DLGAP1: variants seen among roughly 807,000 people sequenced by gnomAD.
The protein encoded by DLGAP1 is disks large-associated protein 1.
In DLGAP1, 11 loss-of-function variants were observed where a neutral mutation model predicts 90.8. That is an observed-to-expected ratio of 0.12 (90% CI 0.08 to 0.20). The LOEUF is 0.20. Ranked by LOEUF, DLGAP1 falls within the 10% of genes least tolerant of loss-of-function variation. The pLI is 1.00. For synonymous variants in DLGAP1, 558 were observed against 540.7 expected, an observed-to-expected ratio of 1.03 and a Z score of -0.44; for missense variants, 1,050 against 1,333.8, an observed-to-expected ratio of 0.79 and a Z score of 3.31.
intron 9 of DLGAP1, among the ~76,000 whole-genome samples, chr18:3,536,223 CTTTTT>C (rs71159088): frequency 5.8e-5 from 8 of 137,412 alleles, no homozygotes; most frequent in East Asian, 2.1e-4. Flanking sequence ...TACTTTCTTT[CTTTTT>C]TTTTTTTTTT....
At chr18:3,583,182 C>T (rs138692364) in intron 7 of DLGAP1, among the ~76,000 whole-genome samples, 16,867 of 143,736 alleles carry the variant, frequency 0.12, 1,232 homozygotes, top group East Asian at 0.24. Flanking sequence ...ACCTACCTAC[C>T]TACCTTCCTT....
chr18:4,090,414 C>G (rs929249458), intron 2 of DLGAP1, among the ~76,000 whole-genome samples: 1 of 152,046 alleles, frequency 6.6e-6, no homozygotes, highest in African/African-American at 2.4e-5. Flanking sequence ...AAAAACCACC[C>G]CATCAAAAAG....
At chr18:3,640,056 A>G (rs1435645605) in intron 7 of DLGAP1, among the ~76,000 whole-genome samples, 1 of 152,064 alleles carries the variant, frequency 6.6e-6, no homozygotes, top group Non-Finnish European at 1.5e-5. Flanking sequence ...ACCCGGCCCC[A>G]GAGTTGCCTT....
chr18:4,422,986 A>G (rs1403443205), intron 1 of DLGAP1, among the ~76,000 whole-genome samples: 2 of 152,184 alleles, frequency 1.3e-5, no homozygotes, highest in African/African-American at 2.4e-5. Flanking sequence ...AATGATTAGC[A>G]TAATGATTAG....
At chr18:4,011,979 T>C (rs2074432380) in intron 2 of DLGAP1, among the ~76,000 whole-genome samples, 1 of 152,214 alleles carries the variant, frequency 6.6e-6, no homozygotes, top group Non-Finnish European at 1.5e-5. Context: ...TTATTTCTAA[T>C]TGTGGCATCT....
chr18:4,107,755 T>C (rs906277241), intron 2 of DLGAP1, among the ~76,000 whole-genome samples: 15 of 152,212 alleles, frequency 9.9e-5, no homozygotes, highest in African/African-American at 2.9e-4. Flanking sequence ...ACTCGCTTGC[T>C]TTTTAGCTAA....
At chr18:4,104,853 C>T (rs1201214169) in intron 2 of DLGAP1, among the ~76,000 whole-genome samples, 2 of 152,150 alleles carry the variant, frequency 1.3e-5, no homozygotes, top group South Asian at 2.1e-4. Context: ...CTTTATAGTT[C>T]TGTCAATTAT....
In DLGAP1 at chr18:3,616,588, A is replaced by G. The variant is rs1599559672; in HGVS notation, c.1592-34340T>C. ...AACATGGTGAAACCCCATCTCCACA[A>G]AACAAAAAAAAAAAAAATTAGCCTG... On this transcript the variant is annotated intron_variant, in intron 7 of 12. Transcript: ENST00000315677. Among the ~76,000 whole-genome samples the G allele has an allele frequency of 6.7e-5, 10 of 148,470 alleles. No individual in the cohort carries two copies. In the South Asian group the frequency reaches 2.1e-3, roughly 31 times the overall value.
rs186429403 is a variant in DLGAP1, at chr18:3,623,339, G to A, written c.1592-41091C>T. Among the ~76,000 whole-genome samples, 8 of 152,330 alleles carry A rather than the reference G, an allele frequency of 5.3e-5. No individual in the cohort carries two copies. The East Asian group carries it at 1.5e-3, about 29-fold the overall frequency. ...GGTTAATGACATGTCATAATTAATA[G>A]CTATGATTATTTTCACGAGCCCTGA... On this transcript the variant is annotated intron_variant, in intron 7 of 12. Coordinates refer to ENST00000315677, the MANE Select transcript of DLGAP1 (RefSeq NM_004746.4).
At chr18:4,223,185 G>A (rs990070626) in intron 1 of DLGAP1, among the ~76,000 whole-genome samples, 1 of 152,042 alleles carries the variant, frequency 6.6e-6, no homozygotes, top group African/African-American at 2.4e-5. Flanking sequence ...ATACCCTACA[G>A]ATGTTTTATA....
intron 1 of DLGAP1, among the ~76,000 whole-genome samples, chr18:4,174,587 C>T (rs748586076): frequency 6.6e-6 from 1 of 152,140 alleles, no homozygotes; most frequent in East Asian, 1.9e-4. Context: ...CCCTCCTCGG[C>T]CTCCCAAAGT....
At chr18:3,845,908 T>C (rs1019371656) in intron 4 of DLGAP1, among the ~76,000 whole-genome samples, 4 of 152,218 alleles carry the variant, frequency 2.6e-5, no homozygotes, top group African/African-American at 9.6e-5. Context: ...AAAAATTAAG[T>C]AATACTTCTC....
At chr18:4,375,102 G>C (rs961998119) in intron 1 of DLGAP1, among the ~76,000 whole-genome samples, 1 of 152,048 alleles carries the variant, frequency 6.6e-6, no homozygotes, top group Non-Finnish European at 1.5e-5. Context: ...TTGTATTTGA[G>C]CACTCTATGA....
Position 4,444,737 on chromosome 18 carries a change from G to A in DLGAP1, c.-267+10269C>T, listed in dbSNP as rs547625664. 2.0e-5 allele frequency among the ~76,000 whole-genome samples: 3 copies of A among 152,140 alleles called. No homozygotes were observed. The South Asian group carries it at 6.2e-4, about 32-fold the overall frequency. On this transcript the variant is annotated intron_variant, in intron 1 of 12. Coordinates refer to ENST00000315677, the MANE Select transcript of DLGAP1 (RefSeq NM_004746.4). ...GATGTAAAAAGATGGTTGGCAGATC[G>A]GTTTTTGCAGAAAAAAAATATACAG...
intron 7 of DLGAP1, among the ~76,000 whole-genome samples, chr18:3,717,276 G>C (rs2061797256): frequency 6.6e-6 from 1 of 152,118 alleles, no homozygotes; most frequent in Non-Finnish European, 1.5e-5. Flanking sequence ...GATGTTTATA[G>C]ACAGAGATTT....
At chr18:3,990,630 TAA>T (rs1491038686) in intron 3 of DLGAP1, among the ~76,000 whole-genome samples, 14 of 47,228 alleles carry the variant, frequency 3.0e-4, no homozygotes, top group Non-Finnish European at 1.0e-3. Flanking sequence ...ACTTAAAATA[TAA>T]TAATAATAAT....
intron 3 of DLGAP1, among the ~76,000 whole-genome samples, chr18:3,968,159 C>A (rs1253561028): frequency 6.6e-6 from 1 of 152,166 alleles, no homozygotes; most frequent in Non-Finnish European, 1.5e-5. Context: ...CTAATCTGAG[C>A]ATAAATTTAC....
chr18:3,693,884 T>C (rs1474586038), intron 7 of DLGAP1, among the ~76,000 whole-genome samples: 1 of 138,164 alleles, frequency 7.2e-6, no homozygotes, highest in Non-Finnish European at 1.5e-5. Flanking sequence ...GATGATGGCA[T>C]TTTTTTTTAT....
chr18:4,124,278 T>G (rs181720533), intron 2 of DLGAP1, among the ~76,000 whole-genome samples: 1 of 152,326 alleles, frequency 6.6e-6, no homozygotes, highest in African/African-American at 2.4e-5. Context: ...CCTAGAAGGA[T>G]GGAGGTGGAA....
Sources: gnomAD v4.1 joint callset for allele counts (sites outside exome capture counted in the v4.1 genomes callset) on GRCh38, gnomAD v4.1.1 for gene constraint, MANE v1.5 for transcripts, NCBI Gene and HGNC (gene_info 2026-07-23, HGNC 2026-07-21) for gene names.